Variants in CHRM3 observed in about 807,000 individuals in gnomAD.
The protein encoded by CHRM3 is muscarinic acetylcholine receptor M3.
Under a neutral mutation model 41.8 loss-of-function variants are expected in CHRM3, and 11 were observed. That is an observed-to-expected ratio of 0.26 (90% CI 0.17 to 0.44). The LOEUF (loss-of-function observed/expected upper bound fraction) is 0.44. Among genes scored for constraint, CHRM3 ranks in the 20% least tolerant of loss-of-function variants. The pLI is 1.00. For missense variants in CHRM3, 571 were observed against 745.4 expected (o/e 0.77, Z 2.72); for synonymous variants, 297 against 301.4 (o/e 0.99, Z 0.15).
At chr1:239,697,721 G>A (rs1005217061) in intron 5 of CHRM3, among the ~76,000 whole-genome samples, 4 of 152,082 alleles carry the variant, frequency 2.6e-5, no homozygotes, top group Admixed American at 2.6e-4. Flanking sequence ...TACTCCAAAG[G>A]CCGAAGAGCT....
intron 6 of CHRM3, among the ~76,000 whole-genome samples, chr1:239,866,807 A>G (rs1367403300): frequency 1.3e-5 from 2 of 152,246 alleles, no homozygotes; most frequent in Non-Finnish European, 2.9e-5. Context: ...CTATAAAAGT[A>G]GTAAATACCA....
chr1:239,876,712 G>T (rs369747270), intron 6 of CHRM3, among the ~76,000 whole-genome samples: 1 of 152,172 alleles, frequency 6.6e-6, no homozygotes, highest in Non-Finnish European at 1.5e-5. Flanking sequence ...CCTCAGAAGG[G>T]CAGGAATAAA....
chr1:239,527,336 G>C (rs1216365021), intron 2 of CHRM3, among the ~76,000 whole-genome samples: 4 of 151,292 alleles, frequency 2.6e-5, no homozygotes, highest in Non-Finnish European at 5.9e-5. Flanking sequence ...AGCCTGAGCT[G>C]TTGACCATGT....
chr1:239,424,713 G>A (rs1266433835), intron 1 of CHRM3, among the ~76,000 whole-genome samples: 3 of 152,186 alleles, frequency 2.0e-5, no homozygotes, highest in Non-Finnish European at 4.4e-5. Context: ...GTGAAAAGAA[G>A]TAGTGTGTAC....
chr1:239,396,594 A>G (rs1486725208), intron 1 of CHRM3, among the ~76,000 whole-genome samples: 1 of 152,180 alleles, frequency 6.6e-6, no homozygotes, highest in African/African-American at 2.4e-5. Flanking sequence ...AGCCTGGGCA[A>G]CAGAACAAGA....
chr1:239,867,219 C>G (rs920128507), intron 6 of CHRM3, among the ~76,000 whole-genome samples: 16 of 152,150 alleles, frequency 1.1e-4, no homozygotes, highest in African/African-American at 3.9e-4. Flanking sequence ...ATTATTTTCC[C>G]TTATAGGGAG....
chr1:239,566,475 A>T (rs1661372249), intron 3 of CHRM3, among the ~76,000 whole-genome samples: 1 of 152,208 alleles, frequency 6.6e-6, no homozygotes, highest in Non-Finnish European at 1.5e-5. Context: ...AAATGTTGTT[A>T]TTAAAACACA....
chr1:239,595,234 T>C (rs1664654138), intron 3 of CHRM3, among the ~76,000 whole-genome samples: 1 of 152,220 alleles, frequency 6.6e-6, no homozygotes, highest in Non-Finnish European at 1.5e-5. Context: ...CTGGAGATTA[T>C]TTAAAGTAAA....
At chr1:239,596,411 A>T (rs2148663263) in intron 3 of CHRM3, among the ~76,000 whole-genome samples, 1 of 152,326 alleles carries the variant, frequency 6.6e-6, no homozygotes, top group South Asian at 2.1e-4. Flanking sequence ...AGCAGCTTGT[A>T]TGAGGAGCAG....
In CHRM3 at chr1:239,909,180, C is replaced by G. The variant is rs1383151839; in HGVS notation, c.1729C>G (p.Gln577Glu). Residue 577 changes from glutamine to glutamate, a missense_variant, in exon 7 of 7, where the codon CAG (glutamine) becomes GAG (glutamate). Physicochemically the swap from Gln to Glu is conservative, Grantham distance 29. Around this residue, in one of 5 missense-constraint regions of CHRM3, gnomAD observed 44 missense variants for 39.7 expected, o/e 1.11. Transcript: ENST00000676153. ...KRRKQQYQQR[Q>E]SVIFHKRAPE... ...GCGCAAGCAGCAGTACCAGCAGAGA[C>G]AGTCGGTCATTTTTCACAAGCGCGC... 1 of 1,613,340 alleles carries G rather than the reference C, an allele frequency of 6.2e-7. No individual in the cohort carries two copies. Among genetic ancestry groups the G allele is most frequent in the South Asian group, 1.1e-5 (1 of 90,996 alleles).
intron 6 of CHRM3, among the ~76,000 whole-genome samples, chr1:239,838,551 T>A (rs1558167611): frequency 6.6e-6 from 1 of 152,312 alleles, no homozygotes; most frequent in Non-Finnish European, 1.5e-5. Flanking sequence ...GTGCAAATGA[T>A]CTCATGTTCC....
chr1:239,719,960 G>A (rs1238302304), intron 5 of CHRM3, among the ~76,000 whole-genome samples: 8 of 151,966 alleles, frequency 5.3e-5, no homozygotes, highest in Non-Finnish European at 5.9e-5. Context: ...CACCTGGGAT[G>A]GCAAAAGCAG....
At chr1:239,435,559 T>A (rs1223233073) in intron 1 of CHRM3, among the ~76,000 whole-genome samples, 2 of 152,022 alleles carry the variant, frequency 1.3e-5, no homozygotes, top group Non-Finnish European at 2.9e-5. Flanking sequence ...AGTAAATAAA[T>A]GCCTGGGCTT....
intron 2 of CHRM3, among the ~76,000 whole-genome samples, chr1:239,510,710 A>AT (rs1668862725): frequency 6.6e-6 from 1 of 151,656 alleles, no homozygotes; most frequent in South Asian, 2.1e-4. Context: ...CTAATTTTGT[A>AT]TTTTTAGTGG....
At chr1:239,639,515 C>A (rs1261358579) in intron 4 of CHRM3, among the ~76,000 whole-genome samples, 1 of 152,082 alleles carries the variant, frequency 6.6e-6, no homozygotes, top group Non-Finnish European at 1.5e-5. Flanking sequence ...ATTTTATTGT[C>A]TTTGAATCAA....
chr1:239,693,992 T>C (rs1659948002), intron 5 of CHRM3, among the ~76,000 whole-genome samples: 1 of 152,186 alleles, frequency 6.6e-6, no homozygotes, highest in Non-Finnish European at 1.5e-5. Flanking sequence ...TTCCAATCCC[T>C]TTTCATATAG....
intron 3 of CHRM3, among the ~76,000 whole-genome samples, chr1:239,583,897 C>G (rs1375626035): frequency 6.6e-6 from 1 of 151,936 alleles, no homozygotes; most frequent in Non-Finnish European, 1.5e-5. Flanking sequence ...GAGTTTTATC[C>G]TACCCTGCTG....
At chr1:239,700,588 T>C (rs530257663) in intron 5 of CHRM3, among the ~76,000 whole-genome samples, 191 of 152,248 alleles carry the variant, frequency 1.3e-3, no homozygotes, top group South Asian at 3.7e-3. Context: ...CATTCTCAGT[T>C]CATCCCCTGT....
At chr1:239,555,827 C>T (rs1393903248) in intron 3 of CHRM3, among the ~76,000 whole-genome samples, 1 of 152,200 alleles carries the variant, frequency 6.6e-6, no homozygotes, top group Non-Finnish European at 1.5e-5. Flanking sequence ...CCCTTGAATT[C>T]TTTCCTGGGT....
Sources: gnomAD v4.1 joint callset for allele counts (sites outside exome capture counted in the v4.1 genomes callset) on GRCh38, gnomAD v4.1.1 for gene constraint, gnomAD v4.1.1 regional missense constraint, MANE v1.5 for transcripts, NCBI Gene and HGNC (gene_info 2026-07-23, HGNC 2026-07-21) for gene names.